The following EIF4G3 variants were observed in gnomAD, a reference collection of about 807,000 sequenced individuals.
EIF4G3 encodes eIF-4-gamma 3.
A neutral mutation model predicts 186.4 loss-of-function variants in EIF4G3; 34 were observed. That is an observed-to-expected ratio of 0.18 (90% CI 0.14 to 0.24). The LOEUF is 0.24. Ranked by LOEUF, EIF4G3 falls within the 10% of genes least tolerant of loss-of-function variation. EIF4G3 has a pLI of 1.00. For synonymous variants in EIF4G3, 673 were observed against 679.5 expected (o/e 0.99, Z 0.15); for missense variants, 1,536 against 1,948.5 (o/e 0.79, Z 3.99).
intron 14 of EIF4G3, among the ~76,000 whole-genome samples, chr1:20,917,317 G>A (rs955397112): frequency 3.3e-5 from 5 of 152,160 alleles, no homozygotes; most frequent in Admixed American, 2.0e-4. Flanking sequence ...GCAACATGGC[G>A]AAACGGTCTC....
chr1:20,919,326 A>G (rs781293410), intron 14 of EIF4G3, among the ~76,000 whole-genome samples: 55 of 152,266 alleles, frequency 3.6e-4, no homozygotes, highest in Middle Eastern at 3.4e-3. Flanking sequence ...CTCCCACCTC[A>G]GCCTCCCGTA....
intron 31 of EIF4G3, among the ~76,000 whole-genome samples, chr1:20,827,944 G>GGTAATCTGTTTGTTTAC (rs2064044530): frequency 1.3e-5 from 2 of 151,956 alleles, no homozygotes; most frequent in South Asian, 4.2e-4. Context: ...GATCAGATGT[G>GGTAATCTGTTTGTTTAC]GTAATCTGTT....
chr1:20,880,182 G>A (rs2081937036), intron 19 of EIF4G3, among the ~76,000 whole-genome samples: 1 of 152,082 alleles, frequency 6.6e-6, no homozygotes, highest in South Asian at 2.1e-4. Context: ...CATACCAGAG[G>A]TCCTAATCAA....
chr1:20,897,112 G>A (rs1235411566), intron 16 of EIF4G3, among the ~76,000 whole-genome samples: 2 of 152,018 alleles, frequency 1.3e-5, no homozygotes, highest in East Asian at 3.9e-4. Context: ...ACAAAAAATA[G>A]AAGGGAACAA....
At chr1:21,105,379 G>A (rs759891204) in intron 2 of EIF4G3, among the ~76,000 whole-genome samples, 50 of 151,460 alleles carry the variant, frequency 3.3e-4, no homozygotes, top group Non-Finnish European at 7.1e-4. Flanking sequence ...GCAGTGAGCC[G>A]CGATTGCGCC....
At chr1:20,821,774 T>C (rs2062439663) in intron 33 of EIF4G3, among the ~76,000 whole-genome samples, 1 of 152,202 alleles carries the variant, frequency 6.6e-6, no homozygotes, top group African/African-American at 2.4e-5. Context: ...CTCTATTATG[T>C]ATACTTCTCT....
intron 2 of EIF4G3, among the ~76,000 whole-genome samples, chr1:21,129,909 C>A (rs989348687): frequency 2.0e-5 from 3 of 152,028 alleles, no homozygotes; most frequent in African/African-American, 7.2e-5. Flanking sequence ...ACTGACAAAG[C>A]CACATCTATG....
At chr1:20,822,354 GCTT>G (rs2062610878) in intron 33 of EIF4G3, among the ~76,000 whole-genome samples, 2 of 109,780 alleles carry the variant, frequency 1.8e-5, no homozygotes, top group African/African-American at 6.6e-5. Context: ...CAAAGAACCA[GCTT>G]TTTTTTTTTT....
intron 2 of EIF4G3, among the ~76,000 whole-genome samples, chr1:21,137,182 T>G (rs1368157675): frequency 6.6e-6 from 1 of 151,722 alleles, no homozygotes; most frequent in Non-Finnish European, 1.5e-5. Context: ...CTCACTCTGT[T>G]GCTCAGGCTA....
intron 3 of EIF4G3, among the ~76,000 whole-genome samples, chr1:21,073,118 A>C (rs1419558136): frequency 1.3e-5 from 2 of 152,190 alleles, no homozygotes; most frequent in Admixed American, 1.3e-4. Context: ...TCTGCTCCCC[A>C]TGTAACCTAT....
At chr1:21,096,326 T>G (rs1397446002) in intron 2 of EIF4G3, among the ~76,000 whole-genome samples, 1 of 152,166 alleles carries the variant, frequency 6.6e-6, no homozygotes, top group Non-Finnish European at 1.5e-5. Flanking sequence ...CTGTTGAGAT[T>G]TAAATAATGT....
At chr1:20,841,743 G>A (rs1255641304) in intron 29 of EIF4G3, among the ~76,000 whole-genome samples, 1 of 152,228 alleles carries the variant, frequency 6.6e-6, no homozygotes, top group Non-Finnish European at 1.5e-5. Flanking sequence ...GTCAGCCAGA[G>A]TTGCTGATAC....
chr1:20,933,991 C>T (rs556995467), intron 14 of EIF4G3, among the ~76,000 whole-genome samples: 12 of 152,300 alleles, frequency 7.9e-5, no homozygotes, highest in African/African-American at 2.2e-4. Flanking sequence ...TGAGCCACTA[C>T]GCCCAGCTGA....
At chr1:21,089,292 AC>A (rs1218839664) in intron 2 of EIF4G3, 79 bp from the exon 3 acceptor site, 1 of 694,410 alleles carries the variant, frequency 1.4e-6, no homozygotes, top group Non-Finnish European at 2.7e-6. Context: ...ACAAAATTCC[AC>A]CAACGACCTA....
At chr1:21,136,244 C>A (rs2097243059) in intron 2 of EIF4G3, among the ~76,000 whole-genome samples, 2 of 149,966 alleles carry the variant, frequency 1.3e-5, no homozygotes, top group Admixed American at 1.3e-4. Flanking sequence ...ACAGGCTGGG[C>A]ATGGTGGCTC....
chr1:21,172,742 G>T (rs1189565840), intron 2 of EIF4G3, among the ~76,000 whole-genome samples: 1 of 150,970 alleles, frequency 6.6e-6, no homozygotes, highest in African/African-American at 2.5e-5. Flanking sequence ...TAGAGACGGG[G>T]TTTCACCGTG....
chr1:20,877,988 C>A (rs537367239), intron 20 of EIF4G3, among the ~76,000 whole-genome samples: 2 of 152,052 alleles, frequency 1.3e-5, no homozygotes, highest in Non-Finnish European at 2.9e-5. Context: ...GGATTACAGG[C>A]GCACGCTACC....
At chr1:21,082,547 C>T (rs2095821837) in intron 3 of EIF4G3, among the ~76,000 whole-genome samples, 1 of 152,120 alleles carries the variant, frequency 6.6e-6, no homozygotes, top group Admixed American at 6.5e-5. Context: ...GAATGCATCA[C>T]TGCACTTCAG....
intron 3 of EIF4G3, among the ~76,000 whole-genome samples, chr1:21,077,527 G>A (rs1279502895): frequency 2.7e-5 from 4 of 148,696 alleles, no homozygotes; most frequent in Non-Finnish European, 4.5e-5. Flanking sequence ...AAACACAAAC[G>A]AAAACCACAA....
Sources: allele counts gnomAD v4.1 joint callset (sites outside exome capture counted in the v4.1 genomes callset), GRCh38; gene constraint gnomAD v4.1.1; transcripts MANE v1.5; gene names NCBI Gene and HGNC (gene_info 2026-07-23, HGNC 2026-07-21).